PUDP: variants seen among roughly 807,000 people sequenced by gnomAD.
PUDP encodes pseudouridine 5'-phosphatase.
Under a neutral mutation model 9.4 loss-of-function variants are expected in PUDP, and 8 were observed. That is an observed-to-expected ratio of 0.85 (90% CI 0.50 to 1.53). The LOEUF (loss-of-function observed/expected upper bound fraction) is 1.53, where lower values mean the gene tolerates loss of function less well. Among genes scored for constraint, PUDP ranks in the 40% most tolerant of loss-of-function variants. The pLI is 0.00. For synonymous variants in PUDP, 99 were observed against 80.7 expected (o/e 1.23, Z -1.22); for missense variants, 188 against 189.7 (o/e 0.99, Z 0.05).
intron 1 of PUDP, among the ~76,000 whole-genome samples, chrX:6,993,122 C>T (rs902524952): frequency 4.5e-5 from 5 of 111,649 alleles, no homozygotes; most frequent in Admixed American, 9.5e-5. Context: ...TCCTCCTTGG[C>T]TTGTAGACAG....
intron 3 of PUDP, among the ~76,000 whole-genome samples, chrX:6,973,579 G>A (rs1928910401): frequency 8.9e-6 from 1 of 111,954 alleles, no homozygotes; most frequent in Non-Finnish European, 1.9e-5. Context: ...GAGACTGTTT[G>A]TTATGATTTC....
At chrX:6,795,656 A>T (rs1470900408) in intron 3 of PUDP, among the ~76,000 whole-genome samples, 1 of 111,653 alleles carries the variant, frequency 9.0e-6, no homozygotes, top group Admixed American at 9.5e-5. Flanking sequence ...TTAAAGGACG[A>T]CACCATTTCT....
At chrX:6,817,605 A>C (rs187797620) in intron 3 of PUDP, among the ~76,000 whole-genome samples, 61 of 111,791 alleles carry the variant, frequency 5.5e-4, no homozygotes, top group African/African-American at 1.9e-3. Flanking sequence ...AGTCCTGCCC[A>C]CACACAAGTG....
At chrX:7,140,414 G>GA (rs1209737551) in intron 1 of PUDP, among the ~76,000 whole-genome samples, 1 of 111,412 alleles carries the variant, frequency 9.0e-6, no homozygotes, top group Non-Finnish European at 1.9e-5. Context: ...CATCTCATCA[G>GA]AAGGTCTGAC....
intron 3 of PUDP, among the ~76,000 whole-genome samples, chrX:6,840,705 G>C (rs770889735): frequency 9.0e-6 from 1 of 110,570 alleles, no homozygotes; most frequent in South Asian, 3.9e-4. Context: ...CAAACCCATA[G>C]AACGTACAAC....
intron 3 of PUDP, among the ~76,000 whole-genome samples, chrX:6,760,869 C>A (rs1016411168): frequency 1.8e-5 from 2 of 112,136 alleles, no homozygotes; most frequent in African/African-American, 6.5e-5. Context: ...GACTTACATA[C>A]ATTTTAATGG....
chrX:6,908,606 T>C (rs919464305), intron 3 of PUDP, among the ~76,000 whole-genome samples: 3 of 111,621 alleles, frequency 2.7e-5, no homozygotes, highest in Non-Finnish European at 3.8e-5. Context: ...AAAATAGTCA[T>C]GGAATATGAC....
In PUDP at chrX:6,889,379, G is replaced by A. The variant is rs186930734; in HGVS notation, c.*247+87754C>T. Among the ~76,000 whole-genome samples the A allele has an allele frequency of 1.5e-4, 17 of 110,852 alleles. No individual in the cohort carries two copies. In the East Asian group the frequency reaches 4.8e-3, roughly 31 times the overall value. On this transcript the variant is annotated intron_variant and NMD_transcript_variant, in intron 3 of 3. Coordinates refer to the PUDP transcript ENST00000655425. ...GATGAGTTCTCGCCATGTTGTCCAG[G>A]CTGGTCTTGAACTCCTGGGCTCAAG...
downstream of PUDP, among the ~76,000 whole-genome samples, chrX:7,044,957 T>C (rs776016794): frequency 1.6e-4 from 18 of 112,297 alleles, no homozygotes; most frequent in Non-Finnish European, 3.2e-4. Flanking sequence ...CGAGTAGTGG[T>C]AAAGGAATGG....
At chrX:6,936,178 CA>C (rs1928295982) in intron 3 of PUDP, among the ~76,000 whole-genome samples, 1 of 91,125 alleles carries the variant, frequency 1.1e-5, no homozygotes, top group Non-Finnish European at 2.2e-5. Flanking sequence ...AGAGACACAA[CA>C]AAAAAAGAGA....
chrX:7,063,090 A>C (rs916988657), intron 3 of PUDP, among the ~76,000 whole-genome samples: 12 of 110,731 alleles, frequency 1.1e-4, no homozygotes, highest in African/African-American at 3.9e-4. Flanking sequence ...TTCATGTACA[A>C]ATGCACATGG....
At chrX:6,961,489 C>T (rs527682308) in intron 3 of PUDP, among the ~76,000 whole-genome samples, 267 of 111,966 alleles carry the variant, frequency 2.4e-3, no homozygotes, top group African/African-American at 8.2e-3. Context: ...TTGCAAGAAA[C>T]TAGCATAGTC....
chrX:6,751,889 G>C (rs1370582502), intron 3 of PUDP, among the ~76,000 whole-genome samples: 1 of 111,013 alleles, frequency 9.0e-6, no homozygotes, highest in African/African-American at 3.3e-5. Context: ...AGAATTATGA[G>C]GCAGCATCAC....
chrX:6,804,170 C>A (rs1040533341), intron 3 of PUDP, among the ~76,000 whole-genome samples: 4 of 111,090 alleles, frequency 3.6e-5, no homozygotes, highest in African/African-American at 1.3e-4. Flanking sequence ...CACGCAGACA[C>A]CAGGCACATG....
rs1569122791 is a variant in PUDP, at chrX:6,916,241, CACACACA to C, written c.*247+60885_*247+60891del. On this transcript the variant is annotated intron_variant and NMD_transcript_variant, in intron 3 of 3. Transcript: ENST00000655425. Reference sequence around the variant, plus strand: ...ACACACACACACACACACACACACACACACACACCCTGGGGAACTGGTAAATTTGGGG... The same window carrying C: ...ACACACACACACACACACACACACACCCCTGGGGAACTGGTAAATTTGGGG... Among the ~76,000 whole-genome samples, 301 of 84,327 alleles carry C rather than the reference CACACACA, an allele frequency of 3.6e-3. 6 individuals are homozygous for C. The highest frequency in any genetic ancestry group is 0.014 in the African/African-American group (281 of 20,207). The allele number at this position is 84,327 out of a possible 115,157, so 73.2% of individuals were successfully genotyped here.
rs771964269 is a variant in PUDP at position 6,805,885 on chromosome X, G to A, written c.*248-99419C>T. ...TTTTGTATTTCATTTCAAGTGCCACGGTGGACCAAGGGTGAAGTTTGAGCA... is the reference window on the plus strand; with the variant it reads ...TTTTGTATTTCATTTCAAGTGCCACAGTGGACCAAGGGTGAAGTTTGAGCA... On this transcript the variant is annotated intron_variant and NMD_transcript_variant, in intron 3 of 3. Coordinates refer to the PUDP transcript ENST00000655425. 8.2e-4 allele frequency among the ~76,000 whole-genome samples: 91 copies of A among 111,384 alleles called. 1 individual carries two copies. In the Admixed American group the frequency reaches 8.4e-3, roughly 10 times the overall value.
intron 3 of PUDP, among the ~76,000 whole-genome samples, chrX:6,932,945 T>C (rs990629591): frequency 9.1e-6 from 1 of 110,088 alleles, no homozygotes; most frequent in Non-Finnish European, 1.9e-5. Context: ...CCAGGCTTGC[T>C]TAGGTAAACA....
intron 3 of PUDP, among the ~76,000 whole-genome samples, chrX:6,911,331 T>C (rs1927846547): frequency 9.1e-6 from 1 of 109,598 alleles, no homozygotes; most frequent in Admixed American, 9.7e-5. Context: ...GTAGCTGGGA[T>C]TACAGGCACA....
At chrX:6,794,550 A>C (rs1925807212) in intron 3 of PUDP, among the ~76,000 whole-genome samples, 1 of 110,756 alleles carries the variant, frequency 9.0e-6, no homozygotes, top group Non-Finnish European at 1.9e-5. Context: ...AATTTACTTA[A>C]AAAACACTTT....
Sources: allele counts gnomAD v4.1 joint callset (sites outside exome capture counted in the v4.1 genomes callset), GRCh38; gene constraint gnomAD v4.1.1; transcripts MANE v1.5; gene names NCBI Gene and HGNC (gene_info 2026-07-23, HGNC 2026-07-21).